The following FYB1 variants were observed in gnomAD, a reference collection of about 807,000 sequenced individuals.
The protein encoded by FYB1 is FYN-binding protein 1.
Under a neutral mutation model 94.1 loss-of-function variants are expected in FYB1, and 41 were observed. That is an observed-to-expected ratio of 0.44 (90% confidence interval 0.34 to 0.57). The LOEUF is 0.57. FYB1 is among the 20% of genes least tolerant of loss of function. FYB1 has a pLI of 0.02. For synonymous variants in FYB1, 367 were observed against 353.2 expected (o/e 1.04, Z -0.44); for missense variants, 1,050 against 976.8 (o/e 1.07, Z -1.00).
chr5:39,154,064 G>A (rs910738353), intron 2 of FYB1, among the ~76,000 whole-genome samples: 2 of 152,156 alleles, frequency 1.3e-5, no homozygotes, highest in Non-Finnish European at 2.9e-5. Flanking sequence ...GGGATTACAG[G>A]TGTGAGCCAC....
chr5:39,258,598 T>C lies in FYB1; in HGVS notation c.-28+15805A>G, dbSNP rs1335194882. Among the ~76,000 whole-genome samples the C allele has an allele frequency of 3.3e-5, 5 of 151,734 alleles. No homozygotes were observed. The East Asian group carries it at 9.7e-4, about 29-fold the overall frequency. On this transcript the variant is annotated intron_variant, in intron 1 of 1. Coordinates refer to the FYB1 transcript ENST00000510188. ...CTGGGTGACAGAGCAAGACCCTGTG[T>C]CAAAAACAAAACAAAACAACAATAA...
intron 2 of FYB1, among the ~76,000 whole-genome samples, chr5:39,172,114 C>T (rs1051741932): frequency 3.9e-5 from 6 of 152,082 alleles, no homozygotes; most frequent in African/African-American, 1.4e-4. Context: ...CAGAATCAGA[C>T]AAAGCAGACC....
At position 39,261,337 on chromosome 5, in the gene FYB1, G is replaced by GACACACACACAC. The variant is rs57277521; in HGVS notation, c.-28+13054_-28+13065dup. ...AAAAAAAAGAACGTGTGTAGATTAAGACACACACACACACACACACACACA... is the reference window on the plus strand; with the variant it reads ...AAAAAAAAGAACGTGTGTAGATTAAGACACACACACACACACACACACACACACACACACACA... On this transcript the variant is annotated intron_variant, in intron 1 of 1. Transcript: ENST00000510188. Among the ~76,000 whole-genome samples the GACACACACACAC allele has an allele frequency of 9.6e-3, 1,286 of 133,828 alleles. 40 individuals are homozygous for GACACACACACAC. Among genetic ancestry groups the GACACACACACAC allele is most frequent in the Admixed American group, 0.053 (684 of 12,856 alleles). 87.8% of individuals were successfully genotyped at this position (133,828 alleles called of 152,430 possible). A position where few individuals can be genotyped will look rare whatever the true frequency, so the allele number is the denominator to read the frequency against.
At chr5:39,125,652 A>G (rs1426935017) in intron 12 of FYB1, among the ~76,000 whole-genome samples, 1 of 152,204 alleles carries the variant, frequency 6.6e-6, no homozygotes, top group Non-Finnish European at 1.5e-5. Flanking sequence ...ATATTTTAAA[A>G]GGTCCTAGTA....
intron 1 of FYB1, among the ~76,000 whole-genome samples, chr5:39,215,493 C>A (rs940376403): frequency 6.6e-6 from 1 of 152,082 alleles, no homozygotes; most frequent in African/African-American, 2.4e-5. Context: ...GCTGTGTGGT[C>A]CAACCCACCC....
At chr5:39,210,300 AG>A (rs1749245060) in intron 1 of FYB1, among the ~76,000 whole-genome samples, 1 of 152,238 alleles carries the variant, frequency 6.6e-6, no homozygotes, top group Non-Finnish European at 1.5e-5. Flanking sequence ...GTGCCCCGCC[AG>A]GTCCCCTCGG....
intron 2 of FYB1, among the ~76,000 whole-genome samples, chr5:39,199,339 T>C (rs1021243174): frequency 3.3e-5 from 5 of 152,104 alleles, no homozygotes; most frequent in African/African-American, 1.2e-4. Flanking sequence ...TTAAGAAAAA[T>C]AGCAGTGGCA....
At chr5:39,215,935 G>A (rs1461993465) in intron 1 of FYB1, among the ~76,000 whole-genome samples, 1 of 152,188 alleles carries the variant, frequency 6.6e-6, no homozygotes, top group Non-Finnish European at 1.5e-5. Flanking sequence ...CCAATGACAA[G>A]TGTCCTTATA....
chr5:39,218,837 G>T (rs1318787963), intron 1 of FYB1, among the ~76,000 whole-genome samples: 1 of 152,226 alleles, frequency 6.6e-6, no homozygotes, highest in South Asian at 2.1e-4. Context: ...GGAAAATTTG[G>T]AGTTGCTGGT....
At chr5:39,185,639 T>TACAC (rs750593141) in intron 2 of FYB1, among the ~76,000 whole-genome samples, 2 of 143,374 alleles carry the variant, frequency 1.4e-5, no homozygotes, top group Non-Finnish European at 1.5e-5. Flanking sequence ...TATATATATA[T>TACAC]ATACACACAC....
chr5:39,171,286 C>CA (rs879557601), intron 2 of FYB1, among the ~76,000 whole-genome samples: 7,490 of 140,234 alleles, frequency 0.053, 578 homozygotes, highest in African/African-American at 0.18. Flanking sequence ...ACTCTGTCTC[C>CA]AAAAAAAAAA....
At chr5:39,161,343 A>G (rs1202781206) in intron 2 of FYB1, among the ~76,000 whole-genome samples, 3 of 152,216 alleles carry the variant, frequency 2.0e-5, no homozygotes, top group African/African-American at 7.2e-5. Flanking sequence ...ATATCTGCAC[A>G]GTAAAACATT....
At chr5:39,175,607 G>A (rs1479752113) in intron 2 of FYB1, among the ~76,000 whole-genome samples, 1 of 152,164 alleles carries the variant, frequency 6.6e-6, no homozygotes, top group Non-Finnish European at 1.5e-5. Context: ...TTTCATGCGG[G>A]TACATGCTGT....
intron 1 of FYB1, among the ~76,000 whole-genome samples, chr5:39,234,610 C>T (rs1750879253): frequency 6.6e-6 from 1 of 152,062 alleles, no homozygotes; most frequent in African/African-American, 2.4e-5. Context: ...TATTGCAGCA[C>T]TATTTACAAT....
chr5:39,267,406 G>A (rs987401031), intron 1 of FYB1, among the ~76,000 whole-genome samples: 1 of 126,914 alleles, frequency 7.9e-6, no homozygotes, highest in Non-Finnish European at 1.7e-5. Context: ...TCATCATCAC[G>A]TCATCACCAT....
At chr5:39,173,267 T>G (rs1364859860) in intron 2 of FYB1, among the ~76,000 whole-genome samples, 2 of 152,236 alleles carry the variant, frequency 1.3e-5, no homozygotes, top group Non-Finnish European at 2.9e-5. Flanking sequence ...GAAGTGTCTG[T>G]TCATGTTCTT....
In FYB1 at chr5:39,243,873, G is replaced by A. The variant is rs1449289537; in HGVS notation, c.-28+30530C>T. Reference sequence around the variant, plus strand: ...GTGCTTCACATCCCCCGTAAGTTGGGTTCCTAGGTATTTTATTCTCTTTGA... The same window carrying A: ...GTGCTTCACATCCCCCGTAAGTTGGATTCCTAGGTATTTTATTCTCTTTGA... On this transcript the variant is annotated intron_variant, in intron 1 of 1. Transcript: ENST00000510188. Among the ~76,000 whole-genome samples, 5 of 152,182 alleles carry A rather than the reference G, an allele frequency of 3.3e-5. No homozygotes were observed. In the South Asian group the frequency reaches 8.3e-4, roughly 25 times the overall value.
chr5:39,192,108 A>AACAAGAT (rs1239335591), intron 2 of FYB1, among the ~76,000 whole-genome samples: 1 of 152,224 alleles, frequency 6.6e-6, no homozygotes, highest in Non-Finnish European at 1.5e-5. Context: ...AGCAGATTGT[A>AACAAGAT]TGAAACAAGG....
At chr5:39,127,720 C>G (rs1320083883) in intron 11 of FYB1, 21 bp downstream of exon 11, 1 of 1,577,670 alleles carries the variant, frequency 6.3e-7, no homozygotes, top group Admixed American at 1.9e-5. Flanking sequence ...TTGCAAAAAG[C>G]AGTTCACTGA....
Sources: gnomAD v4.1 joint callset for allele counts (sites outside exome capture counted in the v4.1 genomes callset) on GRCh38, gnomAD v4.1.1 for gene constraint, MANE v1.5 for transcripts, NCBI Gene and HGNC (gene_info 2026-07-23, HGNC 2026-07-21) for gene names.